The following MALRD1 variants were observed in gnomAD, a reference collection of about 807,000 sequenced individuals.
The protein encoded by MALRD1 is MAM and LDL receptor class A domain containing 1, also known as MAM and LDL-receptor class A domain-containing protein 1.
A neutral mutation model predicts 242.1 loss-of-function variants in MALRD1; 247 were observed. The ratio of observed to expected loss-of-function variants is 1.02; its 90% CI spans 0.92 to 1.13. The LOEUF is 1.13. Among genes scored for constraint, MALRD1 ranks in the 50% most tolerant of loss-of-function variants. The pLI, the probability that MALRD1 is intolerant of heterozygous loss-of-function variation, is 0.00. For synonymous variants in MALRD1, 995 were observed against 866.6 expected (o/e 1.15, Z -2.60); for missense variants, 2,989 against 2,533.1 (o/e 1.18, Z -3.86).
intron 36 of MALRD1, among the ~76,000 whole-genome samples, chr10:19,663,049 G>A (rs1462484249): frequency 3.3e-5 from 5 of 152,184 alleles, no homozygotes; most frequent in South Asian, 2.1e-4. Flanking sequence ...TAGATTTAGG[G>A]AGTACAAGTG....
At chr10:19,275,499 T>C (rs536399261) in intron 19 of MALRD1, among the ~76,000 whole-genome samples, 2 of 152,192 alleles carry the variant, frequency 1.3e-5, no homozygotes, top group South Asian at 2.1e-4. Flanking sequence ...AAACCCCGTC[T>C]CTACTAAAAA....
chr10:19,412,128 G>T (rs781755453), intron 28 of MALRD1, among the ~76,000 whole-genome samples: 17 of 151,962 alleles, frequency 1.1e-4, no homozygotes, highest in South Asian at 2.1e-4. Context: ...GTGAAACCCT[G>T]TCTCTACTAA....
chr10:19,064,646 C>A (rs1411968126), intron 1 of MALRD1, among the ~76,000 whole-genome samples: 1 of 151,710 alleles, frequency 6.6e-6, no homozygotes, highest in East Asian at 1.9e-4. Flanking sequence ...CAGCACACAC[C>A]TGTAATCCCA....
At chr10:19,506,548 A>G (rs912273412) in intron 31 of MALRD1, among the ~76,000 whole-genome samples, 1 of 152,170 alleles carries the variant, frequency 6.6e-6, no homozygotes, top group Non-Finnish European at 1.5e-5. Context: ...ATACAAGTGC[A>G]ACCATTTTTG....
At chr10:19,407,493 A>C (rs1833080126) in intron 28 of MALRD1, among the ~76,000 whole-genome samples, 2 of 152,040 alleles carry the variant, frequency 1.3e-5, no homozygotes, top group South Asian at 4.1e-4. Flanking sequence ...AAAAAATAAT[A>C]AAAATAAAAA....
At chr10:19,672,462 C>T (rs1335689002) in intron 36 of MALRD1, among the ~76,000 whole-genome samples, 2 of 143,426 alleles carry the variant, frequency 1.4e-5, no homozygotes, top group African/African-American at 5.3e-5. Context: ...CTCTCTCTCT[C>T]ACCTAGGCTG....
At chr10:19,208,757 C>T (rs2358352) in intron 17 of MALRD1, among the ~76,000 whole-genome samples, 133,238 of 152,218 alleles carry the variant, frequency 0.88, 58,507 homozygotes, top group African/African-American at 0.95. Context: ...TGTTCCCAGC[C>T]CTGCCTGTTA....
chr10:19,418,661 A>T (rs1255260942), intron 28 of MALRD1, among the ~76,000 whole-genome samples: 1 of 152,178 alleles, frequency 6.6e-6, no homozygotes, highest in African/African-American at 2.4e-5. Flanking sequence ...ATCATATTTT[A>T]ATCATGAAAT....
At chr10:19,568,389 C>T (rs1267702390) in intron 33 of MALRD1, among the ~76,000 whole-genome samples, 1 of 151,572 alleles carries the variant, frequency 6.6e-6, no homozygotes, top group Non-Finnish European at 1.5e-5. Flanking sequence ...AACACTCCTA[C>T]TCAAAGTTTC....
At position 19,049,591 on chromosome 10, in the gene MALRD1, C is replaced by T. The variant is rs964437960; in HGVS notation, c.199+454C>T. ...AACACTGCTATCAAGTGGGTTGGTA[C>T]CAATTGCATGTGGGATACAACTCTG... On this transcript the variant is annotated intron_variant, in intron 1 of 39. Transcript: ENST00000454679. Among the ~76,000 whole-genome samples, 3 of 152,192 alleles carry T rather than the reference C, an allele frequency of 2.0e-5. No homozygotes were observed. In the East Asian group the frequency reaches 5.8e-4, roughly 29 times the overall value.
At chr10:19,557,730 C>T (rs926582023) in intron 32 of MALRD1, among the ~76,000 whole-genome samples, 7 of 152,058 alleles carry the variant, frequency 4.6e-5, no homozygotes, top group African/African-American at 9.7e-5. Context: ...TTGTTCTTCT[C>T]CTTTAACCTT....
At chr10:19,637,806 T>A (rs1801976626) in intron 36 of MALRD1, among the ~76,000 whole-genome samples, 2 of 151,822 alleles carry the variant, frequency 1.3e-5, no homozygotes. Flanking sequence ...GTGGCACATA[T>A]AAGAATTCGG....
intron 38 of MALRD1, among the ~76,000 whole-genome samples, chr10:19,702,309 C>T (rs921426686): frequency 6.6e-6 from 1 of 152,194 alleles, no homozygotes; most frequent in Non-Finnish European, 1.5e-5. Context: ...GGAAAAGTCT[C>T]ACTATTCCCA....
At chr10:19,143,847 C>T (rs181171165) in intron 10 of MALRD1, among the ~76,000 whole-genome samples, 2 of 152,276 alleles carry the variant, frequency 1.3e-5, no homozygotes, top group Admixed American at 6.5e-5. Flanking sequence ...TCACAGAGAA[C>T]CGAGGGATTA....
At chr10:19,238,532 C>CATAATGTAT (rs1354885529) in intron 18 of MALRD1, among the ~76,000 whole-genome samples, 693 of 55,876 alleles carry the variant, frequency 0.012, 123 homozygotes, top group Non-Finnish European at 0.017. Context: ...ATATAATATA[C>CATAATGTAT]ATTATATATA....
At chr10:19,519,004 T>C (rs906838856) in intron 31 of MALRD1, among the ~76,000 whole-genome samples, 5 of 152,228 alleles carry the variant, frequency 3.3e-5, no homozygotes, top group Admixed American at 1.3e-4. Context: ...TTTAATGATA[T>C]ATGAATGTAT....
At chr10:19,187,998 A>G (rs1835811717) in intron 14 of MALRD1, among the ~76,000 whole-genome samples, 1 of 152,152 alleles carries the variant, frequency 6.6e-6, no homozygotes, top group Admixed American at 6.5e-5. Flanking sequence ...TTAAATCACA[A>G]TCTCTAGGGT....
At chr10:19,324,490 T>C (rs1843033498) in intron 22 of MALRD1, among the ~76,000 whole-genome samples, 1 of 152,134 alleles carries the variant, frequency 6.6e-6, no homozygotes, top group Non-Finnish European at 1.5e-5. Flanking sequence ...CATTCTGTAA[T>C]AGTCTTTTTC....
intron 14 of MALRD1, among the ~76,000 whole-genome samples, chr10:19,196,295 A>T (rs11008894): frequency 0.092 from 13,986 of 151,946 alleles, 740 homozygotes; most frequent in East Asian, 0.18. Context: ...CCTTTCTTTT[A>T]TATTACTCAA....
Sources: allele counts gnomAD v4.1 joint callset (sites outside exome capture counted in the v4.1 genomes callset), GRCh38; gene constraint gnomAD v4.1.1; transcripts MANE v1.5; gene names NCBI Gene and HGNC (gene_info 2026-07-23, HGNC 2026-07-21).